Variants in KANK1 observed in about 807,000 individuals in gnomAD.
KANK1 encodes the protein KN motif and ankyrin repeat domain-containing protein 1.
KANK1 carries 109 observed loss-of-function variants against 106.2 expected under a neutral mutation model. That is an observed-to-expected ratio of 1.03 (90% CI 0.88 to 1.20). The LOEUF is 1.20. Among genes scored for constraint, KANK1 ranks in the 50% most tolerant of loss-of-function variants. The probability of loss-of-function intolerance (pLI) is 0.00; values close to 1 mark genes in which losing one functional copy is unlikely to be tolerated. For synonymous variants in KANK1, 873 were observed against 652.2 expected (o/e 1.34, Z -5.16); for missense variants, 2,399 against 1,710.7 (o/e 1.40, Z -7.10).
intron 1 of KANK1, among the ~76,000 whole-genome samples, chr9:573,298 C>G (rs566802558): frequency 2.0e-5 from 3 of 152,192 alleles, no homozygotes; most frequent in South Asian, 4.1e-4. Flanking sequence ...GAGACAGAGT[C>G]TCGCTCTGTC....
intron 3 of KANK1, among the ~76,000 whole-genome samples, chr9:495,968 AACACACACAC>A (rs33961058): frequency 4.0e-5 from 6 of 149,744 alleles, no homozygotes; most frequent in East Asian, 3.9e-4. Flanking sequence ...AGCATAATTA[AACACACACAC>A]ACACACACAC....
chr9:558,230 T>C (rs920966318), intron 1 of KANK1, among the ~76,000 whole-genome samples: 4 of 152,048 alleles, frequency 2.6e-5, no homozygotes, highest in African/African-American at 7.2e-5. Flanking sequence ...AAATAGGATA[T>C]CCAGAGATAG....
intron 1 of KANK1, among the ~76,000 whole-genome samples, chr9:588,738 G>A (rs537257220): frequency 2.8e-4 from 43 of 152,166 alleles, no homozygotes; most frequent in African/African-American, 8.9e-4. Flanking sequence ...GATAGGGCAC[G>A]GACTGTAGAG....
chr9:584,911 G>A (rs117745602), intron 1 of KANK1, among the ~76,000 whole-genome samples: 8 of 152,270 alleles, frequency 5.3e-5, no homozygotes, highest in East Asian at 1.9e-4. Context: ...GCTTGTTTCC[G>A]TTTGCCTTCC....
In KANK1 at chr9:634,450, G is replaced by A. The variant is rs143390873; in HGVS notation, c.-83-42440G>A. Among the ~76,000 whole-genome samples, 15 of 152,282 alleles carry A rather than the reference G, an allele frequency of 9.9e-5. No homozygotes were observed. In the East Asian group the frequency reaches 2.7e-3, roughly 27 times the overall value. ...GACTAATCTTAGGTTCTATAGTAGT[G>A]ATGTTATCTATAGGAGCAATTGGGG... On this transcript the variant is annotated intron_variant, in intron 1 of 11. Coordinates refer to ENST00000382297, the MANE Select transcript of KANK1 (RefSeq NM_015158.5).
intron 1 of KANK1, among the ~76,000 whole-genome samples, chr9:601,628 A>G (rs1310282066): frequency 3.3e-5 from 5 of 151,940 alleles, no homozygotes; most frequent in South Asian, 2.1e-4. Flanking sequence ...TGGACTCATC[A>G]TGGACAGTTA....
rs115334655 is a variant in KANK1 at position 692,207 on chromosome 9, T to G, written c.37+15198T>G. On this transcript the variant is annotated intron_variant, in intron 2 of 11. Transcript: ENST00000382297. The stretch of plus-strand genomic sequence containing the variant: ...CATGCCCTGCCTTATTCCATTTACT[T>G]TCCTTCTGTCTCATCTCCTACTGGT... Among the ~76,000 whole-genome samples, 1,070 of 152,310 alleles carry G rather than the reference T, an allele frequency of 7.0e-3. 20 individuals are homozygous for G. Among genetic ancestry groups the G allele is most frequent in the African/African-American group, 0.024 (1,005 of 41,568 alleles).
intron 5 of KANK1, 190 bp from the exon 6 acceptor site, chr9:732,188 C>T: frequency 1.0e-5 from 6 of 577,956 alleles, no homozygotes; most frequent in Middle Eastern, 4.7e-4. Context: ...ATACCGATAA[C>T]CAGTTTAAGT....
rs1306335767 is a variant in KANK1, at chr9:730,120, C to T, written c.2768C>T (p.Ser923Phe). 1.2e-6 allele frequency: 2 copies of T among 1,614,164 alleles called. No homozygotes were observed. Among genetic ancestry groups the T allele is most frequent in the African/African-American group, 1.3e-5 (1 of 75,050 alleles). The part of the protein sequence containing the change: ...QSGSPLSSQT[S>F]QPEQEVGTSE... ...GGAAGTCCCTTAAGCTCCCAGACATCCCAGCCTGAGCAAGAAGTGGGGACC... is the reference window on the plus strand; with the variant it reads ...GGAAGTCCCTTAAGCTCCCAGACATTCCAGCCTGAGCAAGAAGTGGGGACC... Residue 923 changes from serine (S) to phenylalanine (F), a missense_variant, in exon 4 of 12, where the codon TCC (serine) becomes TTC (phenylalanine). Ser to Phe is a radical substitution (Grantham distance 155). Transcript: ENST00000382297.
At position 676,890 on chromosome 9, in the gene KANK1, G is replaced by A. The variant is rs1816528872; in HGVS notation, c.-83G>A. ...GATGGGGCTCTCTTTATTGTTTCAG[G>A]TTGAATGCCTTTGAGAACTTGATGC... On this transcript the variant is annotated splice_region_variant and 5_prime_UTR_variant, in exon 2 of 12. Transcript: ENST00000382297. The A allele has an allele frequency of 9.3e-7, 1 of 1,071,624 alleles. No homozygotes were observed. Among genetic ancestry groups the A allele is most frequent in the African/African-American group, 1.6e-5 (1 of 62,828 alleles). The allele number at this position is 1,071,624 out of a possible 1,614,324, so 66.4% of individuals were successfully genotyped here.
At chr9:508,789 G>C (rs1400115623) in intron 1 of KANK1, among the ~76,000 whole-genome samples, 3 of 146,220 alleles carry the variant, frequency 2.1e-5, no homozygotes, top group Non-Finnish European at 1.5e-5. Context: ...CAATTTTTAG[G>C]TTTGAGGGGC....
intron 1 of KANK1, among the ~76,000 whole-genome samples, chr9:662,780 G>A (rs1843641275): frequency 6.6e-6 from 1 of 151,158 alleles, no homozygotes. Context: ...TCCTGCCTCA[G>A]TCTCCCGAGT....
rs528830849 is a variant in KANK1, at chr9:605,172, G to C, written c.-83-71718G>C. The stretch of plus-strand genomic sequence containing the variant: ...AAAAATTAGCTGGGTGTGGTGGTAC[G>C]CGCCTGTAATCCCAGCTACTTAGGA... On this transcript the variant is annotated intron_variant, in intron 1 of 11. Coordinates refer to ENST00000382297, the MANE Select transcript of KANK1 (RefSeq NM_015158.5). Among the ~76,000 whole-genome samples, 35 of 151,066 alleles carry C rather than the reference G, an allele frequency of 2.3e-4. 1 individual carries two copies. The East Asian group carries it at 6.7e-3, about 29-fold the overall frequency.
intron 1 of KANK1, among the ~76,000 whole-genome samples, chr9:630,867 A>G (rs556314332): frequency 3.6e-4 from 55 of 152,106 alleles, no homozygotes; most frequent in Middle Eastern, 3.4e-3. Flanking sequence ...AGGCACGAGA[A>G]TCACTTGAAC....
intron 1 of KANK1, among the ~76,000 whole-genome samples, chr9:638,824 C>T (rs369404377): frequency 1.3e-5 from 2 of 152,210 alleles, no homozygotes; most frequent in East Asian, 1.9e-4. Context: ...AATTATTCTT[C>T]TCTCTGCCAT....
At chr9:732,654 A>C (rs1832640940) in intron 6 of KANK1, 37 bp downstream of exon 6, 1 of 1,600,632 alleles carries the variant, frequency 6.2e-7, no homozygotes, top group Non-Finnish European at 8.5e-7. Flanking sequence ...TGCCCCTCCC[A>C]CATTTAATGT....
chr9:599,510 C>G (rs1030485244), intron 1 of KANK1, among the ~76,000 whole-genome samples: 1 of 151,658 alleles, frequency 6.6e-6, no homozygotes, highest in East Asian at 1.9e-4. Flanking sequence ...TATACTTTGT[C>G]TAAATTTTAA....
chr9:577,602 C>T (rs906007895), intron 1 of KANK1, among the ~76,000 whole-genome samples: 1 of 152,186 alleles, frequency 6.6e-6, no homozygotes, highest in African/African-American at 2.4e-5. Context: ...TGTGCCCACC[C>T]TTCAGACTTC....
rs139499807 is a variant in KANK1 at position 604,321 on chromosome 9, G to T, written c.-83-72569G>T. 6.7e-3 allele frequency among the ~76,000 whole-genome samples: 1,018 copies of T among 151,738 alleles called. 39 individuals are homozygous for T. The highest frequency in any genetic ancestry group is 0.023 in the African/African-American group (963 of 41,110). On this transcript the variant is annotated intron_variant, in intron 1 of 11. Coordinates refer to ENST00000382297, the MANE Select transcript of KANK1 (RefSeq NM_015158.5). ...CCCTACCCAAATCTCATCTCAAATTGTAATCCCCACGTGTTGAGGGAGGGA... is the reference window on the plus strand; with the variant it reads ...CCCTACCCAAATCTCATCTCAAATTTTAATCCCCACGTGTTGAGGGAGGGA...
Sources: allele counts gnomAD v4.1 joint callset (sites outside exome capture counted in the v4.1 genomes callset), GRCh38; gene constraint gnomAD v4.1.1; transcripts MANE v1.5; gene names NCBI Gene and HGNC (gene_info 2026-07-23, HGNC 2026-07-21).